The following DLG3 variants were observed in gnomAD, a reference collection of about 807,000 sequenced individuals.
The protein encoded by DLG3 is discs large MAGUK scaffold protein 3.
Under a neutral mutation model 64.1 loss-of-function variants are expected in DLG3, and 1 was observed. The observed-to-expected ratio is 0.02, with a 90% CI of 0.01 to 0.07. DLG3 has a LOEUF of 0.07. Among genes scored for constraint, DLG3 ranks in the 10% least tolerant of loss-of-function variants. The pLI, the probability that DLG3 is intolerant of heterozygous loss-of-function variation, is 1.00. For synonymous variants in DLG3, 245 were observed against 259.8 expected (o/e 0.94, Z 0.55); for missense variants, 429 against 669.5 (o/e 0.64, Z 3.96).
intron 2 of DLG3, 121 bp downstream of exon 2, chrX:70,449,084 C>A: frequency 1.2e-6 from 1 of 836,566 alleles, no homozygotes; most frequent in Non-Finnish European, 1.8e-6. Context: ...GATGGTGAAA[C>A]AGCGGCCCTC....
At chrX:70,452,895 G>A in intron 7 of DLG3, 1 of 602,094 alleles carries the variant, frequency 1.7e-6, no homozygotes, top group Non-Finnish European at 2.5e-6. Flanking sequence ...AAGTGAAGGC[G>A]GTGGGCCGGG....
chrX:70,501,047 A>G (rs773143003), intron 18 of DLG3, 58 bp downstream of exon 18: 29 of 913,468 alleles, frequency 3.2e-5, no homozygotes, highest in Non-Finnish European at 4.4e-5. Context: ...ACCTGTTTCT[A>G]TAAGTGTCTC....
intron 9 of DLG3, among the ~76,000 whole-genome samples, chrX:70,464,204 CCTTTCCTTTCCTTTCCTTTCCTTTCT>C (rs1209690729): frequency 4.9e-5 from 5 of 102,229 alleles, no homozygotes; most frequent in East Asian, 3.0e-4. Context: ...CCTTTCCTTT[CCTTTCCTTTCCTTTCCTTTCCTTTCT>C]CTTTCCTTTC....
chrX:70,485,311 A>G (rs1223627438), intron 10 of DLG3, among the ~76,000 whole-genome samples: 1 of 112,310 alleles, frequency 8.9e-6, no homozygotes, highest in African/African-American at 3.2e-5. Context: ...AATATGAAAC[A>G]TTAAAAAAAC....
intron 8 of DLG3, 65 bp downstream of exon 8, chrX:70,453,858 C>A: frequency 9.9e-7 from 1 of 1,005,275 alleles, no homozygotes; most frequent in African/African-American, 1.9e-5. Flanking sequence ...GAGCGAGAGA[C>A]CTTACTTCCT....
chrX:70,462,243 C>CT (rs141689653), intron 9 of DLG3, among the ~76,000 whole-genome samples: 3,787 of 46,892 alleles, frequency 0.081, 348 homozygotes, highest in Non-Finnish European at 0.11. Context: ...TTCTTTCTTT[C>CT]TTTTTTTTTT....
chrX:70,489,097 T>C (rs1237664297), intron 10 of DLG3, among the ~76,000 whole-genome samples: 1 of 111,595 alleles, frequency 9.0e-6, no homozygotes, highest in Non-Finnish European at 1.9e-5. Context: ...ATATATCTGC[T>C]TCCCCACTTT....
chrX:70,462,212 G>A (rs779622101), intron 9 of DLG3, among the ~76,000 whole-genome samples: 19 of 97,123 alleles, frequency 2.0e-4, no homozygotes, highest in Admixed American at 1.8e-3. Flanking sequence ...GTTATAGCAT[G>A]TATCAGTACT....
chrX:70,480,851 C>G (rs1438903259), intron 10 of DLG3, among the ~76,000 whole-genome samples: 1 of 112,163 alleles, frequency 8.9e-6, no homozygotes, highest in African/African-American at 3.2e-5. Flanking sequence ...AGAGTTCTCT[C>G]TGCCTGGGCA....
intron 6 of DLG3, among the ~76,000 whole-genome samples, chrX:70,451,214 G>A (rs980706667): frequency 6.3e-5 from 7 of 111,705 alleles, no homozygotes; most frequent in African/African-American, 2.3e-4. Context: ...CAATTCTCCT[G>A]CCTCAGCCTC....
intron 5 of DLG3, 49 bp from the exon 6 acceptor site, chrX:70,450,590 G>A (rs1249621202): frequency 1.7e-6 from 2 of 1,202,741 alleles, no homozygotes; most frequent in Non-Finnish European, 2.3e-6. Flanking sequence ...GTTCCCTGGA[G>A]AAGCCTCTCC....
intron 9 of DLG3, among the ~76,000 whole-genome samples, chrX:70,456,447 T>C (rs1011304230): frequency 8.9e-6 from 1 of 112,344 alleles, no homozygotes; most frequent in Non-Finnish European, 1.9e-5. Flanking sequence ...GGGGGTATGC[T>C]GGATACTAGT....
At chrX:70,447,394 A>C (rs2086579538) in intron 1 of DLG3, among the ~76,000 whole-genome samples, 1 of 112,127 alleles carries the variant, frequency 8.9e-6, no homozygotes, top group Non-Finnish European at 1.9e-5. Flanking sequence ...CGGGTCTCTA[A>C]GGAGCCTTCA....
In DLG3 at chrX:70,501,409, C is replaced by CTGTGTGTGTGTGTGTGTG. The variant is rs796396273; in HGVS notation, c.2347+423_2347+424insGTGTGTGTGTGTGTGTGT. The stretch of plus-strand genomic sequence containing the variant: ...GTTGTCTGTTGGGGTGTCTGTCTGT[C>CTGTGTGTGTGTGTGTGTG]TGTCTGTGTGTGTGTGTGTGTGTGT... On this transcript the variant is annotated intron_variant, in intron 18 of 18. Coordinates refer to ENST00000374360, the MANE Select transcript of DLG3 (RefSeq NM_021120.4). 3.6e-3 allele frequency among the ~76,000 whole-genome samples: 273 copies of CTGTGTGTGTGTGTGTGTG among 75,137 alleles called. 2 individuals carry two copies. The highest frequency in any genetic ancestry group is 7.3e-3 in the African/African-American group (143 of 19,472). The allele number at this position is 75,137 out of a possible 115,157, so 65.2% of individuals were successfully genotyped here.
intron 9 of DLG3, among the ~76,000 whole-genome samples, chrX:70,457,910 C>T (rs1298040425): frequency 9.2e-6 from 1 of 108,835 alleles, no homozygotes; most frequent in African/African-American, 3.4e-5. Flanking sequence ...GTGTCAGGCT[C>T]TGTTGCCCAG....
intron 13 of DLG3, among the ~76,000 whole-genome samples, chrX:70,496,874 T>TA (rs1395471570): frequency 1.8e-5 from 2 of 112,610 alleles, no homozygotes; most frequent in Non-Finnish European, 3.8e-5. Context: ...CATTTTGAAA[T>TA]ACGATTTGGA....
intron 9 of DLG3, among the ~76,000 whole-genome samples, chrX:70,454,784 A>G (rs1363629883): frequency 8.9e-6 from 1 of 112,425 alleles, no homozygotes. Flanking sequence ...TGAAAGACCC[A>G]TAAACGCGCT....
intron 15 of DLG3, 135 bp downstream of exon 15, chrX:70,499,412 A>G: frequency 1.9e-6 from 1 of 528,125 alleles, no homozygotes; most frequent in Non-Finnish European, 3.3e-6. Context: ...GCTGGAAAAC[A>G]GTAGGTGGCA....
chrX:70,494,932 C>G (rs780023739), intron 12 of DLG3, among the ~76,000 whole-genome samples: 8 of 112,579 alleles, frequency 7.1e-5, no homozygotes, highest in East Asian at 5.6e-4. Flanking sequence ...ATCTGCCTAC[C>G]TGGCACACGC....
Sources: allele counts gnomAD v4.1 joint callset (sites outside exome capture counted in the v4.1 genomes callset), GRCh38; gene constraint gnomAD v4.1.1; transcripts MANE v1.5; gene names NCBI Gene and HGNC (gene_info 2026-07-23, HGNC 2026-07-21).